The following HS6ST3 variants were observed in gnomAD, a reference collection of about 807,000 sequenced individuals.
HS6ST3 encodes heparan-sulfate 6-O-sulfotransferase 3.
Under a neutral mutation model 36.7 loss-of-function variants are expected in HS6ST3, and 12 were observed. The observed-to-expected ratio is 0.33, with a 90% confidence interval of 0.21 to 0.53. The LOEUF is 0.53. HS6ST3 is among the 20% of genes least tolerant of loss of function. The pLI is 0.95. For synonymous variants in HS6ST3, 240 were observed against 257.5 expected, an observed-to-expected ratio of 0.93 and a Z score of 0.65; for missense variants, 584 against 640.9, an observed-to-expected ratio of 0.91 and a Z score of 0.96.
intron 1 of HS6ST3, among the ~76,000 whole-genome samples, chr13:96,383,075 A>T (rs2055349217): frequency 1.3e-5 from 2 of 152,224 alleles, no homozygotes; most frequent in South Asian, 4.1e-4. Context: ...GTATGAGGTG[A>T]TTTACAGGGA....
intron 1 of HS6ST3, among the ~76,000 whole-genome samples, chr13:96,749,820 A>G (rs1876655620): frequency 2.0e-5 from 3 of 152,092 alleles, no homozygotes; most frequent in African/African-American, 4.8e-5. Flanking sequence ...CTTTAAATGT[A>G]TTTGTATAAG....
At chr13:96,122,778 T>A (rs1313298587) in intron 1 of HS6ST3, among the ~76,000 whole-genome samples, 1 of 152,126 alleles carries the variant, frequency 6.6e-6, no homozygotes, top group Admixed American at 6.5e-5. Flanking sequence ...AGGATGAGAA[T>A]GAGGTTTGAG....
chr13:96,207,117 TAAAC>T (rs1177818306), intron 1 of HS6ST3, among the ~76,000 whole-genome samples: 1 of 151,770 alleles, frequency 6.6e-6, no homozygotes, highest in Non-Finnish European at 1.5e-5. Context: ...AGAAAAAACC[TAAAC>T]AACCCTGTTA....
chr13:96,170,431 G>A lies in HS6ST3; in HGVS notation c.707+78862G>A, dbSNP rs139595281. 5.4e-3 allele frequency among the ~76,000 whole-genome samples: 827 copies of A among 152,344 alleles called. 22 individuals carry two copies. Among genetic ancestry groups the A allele is most frequent in the Middle Eastern group, 0.041 (12 of 294 alleles). On this transcript the variant is annotated intron_variant, in intron 1 of 1. Coordinates refer to ENST00000376705, the MANE Select transcript of HS6ST3 (RefSeq NM_153456.4). ...AGCAACTTGATGTCAGAGTAGCACA[G>A]CCTACTTACATTCTCTTCCTCTTGC...
chr13:96,403,971 G>C (rs2055464248), intron 1 of HS6ST3, among the ~76,000 whole-genome samples: 1 of 152,146 alleles, frequency 6.6e-6, no homozygotes, highest in Non-Finnish European at 1.5e-5. Flanking sequence ...CCTTAGCTTT[G>C]AATATAAATG....
intron 1 of HS6ST3, among the ~76,000 whole-genome samples, chr13:96,444,224 A>T (rs1272439843): frequency 3.3e-5 from 5 of 152,176 alleles, no homozygotes; most frequent in Non-Finnish European, 7.3e-5. Context: ...AAATTCTCAA[A>T]TGTGGCAGGC....
chr13:96,276,441 C>G (rs887260864), intron 1 of HS6ST3, among the ~76,000 whole-genome samples: 1 of 152,168 alleles, frequency 6.6e-6, no homozygotes, highest in South Asian at 2.1e-4. Flanking sequence ...ACTGGGAGCA[C>G]TAGCTCAGGT....
At chr13:96,260,427 T>G (rs2054659699) in intron 1 of HS6ST3, among the ~76,000 whole-genome samples, 1 of 151,914 alleles carries the variant, frequency 6.6e-6, no homozygotes, top group Non-Finnish European at 1.5e-5. Context: ...TTCTCCTGCC[T>G]CAGCCTCCCA....
chr13:96,780,650 G>A (rs1261108163), intron 1 of HS6ST3, among the ~76,000 whole-genome samples: 5 of 152,092 alleles, frequency 3.3e-5, no homozygotes, highest in Non-Finnish European at 7.4e-5. Flanking sequence ...CTCTGGCTGA[G>A]AACACTAGTA....
At position 96,314,923 on chromosome 13, in the gene HS6ST3, A is replaced by G. The variant is rs557618294; in HGVS notation, c.707+223354A>G. Among the ~76,000 whole-genome samples, 4 of 152,304 alleles carry G rather than the reference A, an allele frequency of 2.6e-5. No homozygotes were observed. In the East Asian group the frequency reaches 7.7e-4, roughly 29 times the overall value. ...ATATAATTTCAAAATATAATAAATA[A>G]TAGATTAGGCAACAAAAGCAAAAAC... On this transcript the variant is annotated intron_variant, in intron 1 of 1. Coordinates refer to ENST00000376705, the MANE Select transcript of HS6ST3 (RefSeq NM_153456.4).
At chr13:96,702,150 T>C (rs1442052174) in intron 1 of HS6ST3, among the ~76,000 whole-genome samples, 1 of 152,150 alleles carries the variant, frequency 6.6e-6, no homozygotes, top group Non-Finnish European at 1.5e-5. Context: ...GTGAAGTCAA[T>C]TAGAGGCAAC....
chr13:96,303,086 A>G (rs145069157), intron 1 of HS6ST3, among the ~76,000 whole-genome samples: 127 of 152,328 alleles, frequency 8.3e-4, no homozygotes, highest in African/African-American at 2.9e-3. Flanking sequence ...CTTTACAGAA[A>G]ACGTTTTTTG....
At chr13:96,212,132 A>C (rs1023212654) in intron 1 of HS6ST3, among the ~76,000 whole-genome samples, 2 of 152,240 alleles carry the variant, frequency 1.3e-5, no homozygotes, top group Non-Finnish European at 2.9e-5. Context: ...AAAAATTAAA[A>C]GAAAGCTTTT....
chr13:96,575,223 T>C (rs1422911541), intron 1 of HS6ST3, among the ~76,000 whole-genome samples: 1 of 152,128 alleles, frequency 6.6e-6, no homozygotes, highest in Non-Finnish European at 1.5e-5. Context: ...GATTACTGAA[T>C]AGACATCAGT....
intron 1 of HS6ST3, among the ~76,000 whole-genome samples, chr13:96,128,763 T>A (rs1186617671): frequency 6.6e-6 from 1 of 152,186 alleles, no homozygotes; most frequent in African/African-American, 2.4e-5. Flanking sequence ...TGCAGAGAGC[T>A]TGATAACTAC....
chr13:96,405,834 G>C (rs1478874891), intron 1 of HS6ST3, among the ~76,000 whole-genome samples: 1 of 152,094 alleles, frequency 6.6e-6, no homozygotes, highest in Non-Finnish European at 1.5e-5. Context: ...TGTGGTCTTT[G>C]GTTTCTTTTT....
At chr13:96,326,183 T>C (rs2055030254) in intron 1 of HS6ST3, among the ~76,000 whole-genome samples, 1 of 152,060 alleles carries the variant, frequency 6.6e-6, no homozygotes, top group African/African-American at 2.4e-5. Context: ...TTTTTTAATT[T>C]TTTTTTATTA....
intron 1 of HS6ST3, among the ~76,000 whole-genome samples, chr13:96,532,416 T>G (rs2056139246): frequency 6.6e-6 from 1 of 152,204 alleles, no homozygotes; most frequent in Non-Finnish European, 1.5e-5. Flanking sequence ...AACTCTTTAG[T>G]AATAATGAAA....
intron 1 of HS6ST3, among the ~76,000 whole-genome samples, chr13:96,502,588 G>A (rs2056009481): frequency 1.3e-5 from 2 of 152,090 alleles, no homozygotes; most frequent in South Asian, 4.2e-4. Context: ...CTATAATCAT[G>A]GCCTTTCAAG....
Sources: gnomAD v4.1 joint callset for allele counts (sites outside exome capture counted in the v4.1 genomes callset) on GRCh38, gnomAD v4.1.1 for gene constraint, MANE v1.5 for transcripts, NCBI Gene and HGNC (gene_info 2026-07-23, HGNC 2026-07-21) for gene names.